Variants in PLXNA4 observed in about 807,000 individuals in gnomAD.
The protein encoded by PLXNA4 is plexin-A4.
In PLXNA4, 44 loss-of-function variants were observed where a neutral mutation model predicts 191.8. That is an observed-to-expected ratio of 0.23 (90% CI 0.18 to 0.29). The LOEUF (loss-of-function observed/expected upper bound fraction) is 0.29. Ranked by LOEUF, PLXNA4 falls within the 10% of genes least tolerant of loss-of-function variation. The probability of loss-of-function intolerance (pLI) is 1.00; values close to 1 mark genes in which losing one functional copy is unlikely to be tolerated. For synonymous variants in PLXNA4, 1,082 were observed against 1,009.5 expected (o/e 1.07, Z -1.36); for missense variants, 1,800 against 2,488.8 (o/e 0.72, Z 5.89).
intron 9 of PLXNA4, 90 bp downstream of exon 9, chr7:132,223,437 C>A: frequency 8.6e-7 from 1 of 1,156,196 alleles, no homozygotes. Context: ...CACAGTTTTC[C>A]TTTGGTTTCT....
rs181193471 is a variant in PLXNA4, at chr7:132,382,594, T to C, written c.1372-84372A>G. 2.6e-5 allele frequency among the ~76,000 whole-genome samples: 4 copies of C among 152,334 alleles called. No individual in the cohort carries two copies. The East Asian group carries it at 7.7e-4, about 29-fold the overall frequency. ...GATTTTTAAATTGTCATGTGTAGTA[T>C]TTTGCAAATGGCTGCTACATCATCA... On this transcript the variant is annotated intron_variant, in intron 3 of 31. Transcript: ENST00000321063.
chr7:132,586,765 A>T (rs1802513326), intron 2 of PLXNA4, among the ~76,000 whole-genome samples: 1 of 151,628 alleles, frequency 6.6e-6, no homozygotes, highest in Non-Finnish European at 1.5e-5. Flanking sequence ...ACAAACAAAT[A>T]AAAAAAATTA....
intron 3 of PLXNA4, among the ~76,000 whole-genome samples, chr7:132,470,287 C>T (rs1796885727): frequency 6.6e-6 from 1 of 152,186 alleles, no homozygotes; most frequent in African/African-American, 2.4e-5. Context: ...CTCACCCCAT[C>T]TGGCTTGGAT....
intron 9 of PLXNA4, among the ~76,000 whole-genome samples, chr7:132,215,862 T>A (rs1348934941): frequency 6.6e-6 from 1 of 152,202 alleles, no homozygotes; most frequent in Non-Finnish European, 1.5e-5. Flanking sequence ...CACTGCTGCA[T>A]CTGGCTGTTT....
intron 3 of PLXNA4, chr7:132,384,905 A>G: frequency 8.1e-7 from 1 of 1,239,180 alleles, no homozygotes; most frequent in South Asian, 1.6e-5. Flanking sequence ...TTTCACTGAC[A>G]TATACAAGTG....
chr7:132,308,435 T>C (rs1174464010), intron 3 of PLXNA4, among the ~76,000 whole-genome samples: 1 of 152,180 alleles, frequency 6.6e-6, no homozygotes, highest in Non-Finnish European at 1.5e-5. Flanking sequence ...TTCCCATGAA[T>C]AGGTGGTTAA....
chr7:132,616,642 T>G (rs11766036), intron 2 of PLXNA4, among the ~76,000 whole-genome samples: 16,562 of 152,274 alleles, frequency 0.11, 1,069 homozygotes, highest in Non-Finnish European at 0.15. Context: ...TTATAGTAGA[T>G]GTAACAGACA....
chr7:132,563,101 TCCTCCTCTC>T (rs1362340786), intron 1 of PLXNA4, among the ~76,000 whole-genome samples: 1 of 104,430 alleles, frequency 9.6e-6, no homozygotes, highest in Non-Finnish European at 2.0e-5. Context: ...TTCTTCCTCC[TCCTCCTCTC>T]CCTCCTCCTC....
At chr7:132,298,863 G>A (rs1278613037) in intron 3 of PLXNA4, among the ~76,000 whole-genome samples, 2 of 152,266 alleles carry the variant, frequency 1.3e-5, no homozygotes, top group Non-Finnish European at 2.9e-5. Context: ...TCAGGCATGA[G>A]TCATCCACAA....
chr7:132,305,064 C>A (rs1411323341), intron 3 of PLXNA4, among the ~76,000 whole-genome samples: 3 of 152,154 alleles, frequency 2.0e-5, no homozygotes, highest in Admixed American at 2.0e-4. Flanking sequence ...GGGAGGGGAC[C>A]AACCAGTCAG....
chr7:132,563,691 CCTCCTT>C (rs1801509249), intron 1 of PLXNA4, among the ~76,000 whole-genome samples: 4 of 120,744 alleles, frequency 3.3e-5, no homozygotes, highest in African/African-American at 1.0e-4. Context: ...TCCTCCTCCT[CCTCCTT>C]CTCCTCCTCC....
At position 132,482,288 on chromosome 7, in the gene PLXNA4, CCT is replaced by C. The variant is rs575851360; in HGVS notation, c.1371+7002_1371+7003del. ...AGACAATGGCTTGCACCTTGCTCAG[CCT>C]CTTTCTCGCCCCCATCTCTCAGACA... is the stretch of plus-strand genomic sequence containing the variant. On this transcript the variant is annotated intron_variant, in intron 3 of 31. Coordinates refer to ENST00000321063, the MANE Select transcript of PLXNA4 (RefSeq NM_020911.2). 3.2e-4 allele frequency among the ~76,000 whole-genome samples: 48 copies of C among 152,298 alleles called. 1 individual carries two copies. The South Asian group carries it at 1.0e-2, about 32-fold the overall frequency.
chr7:132,433,333 G>C (rs181250677), intron 3 of PLXNA4, among the ~76,000 whole-genome samples: 1 of 152,318 alleles, frequency 6.6e-6, no homozygotes, highest in Admixed American at 6.5e-5. Context: ...GGTCCCTGAA[G>C]TGGACAGGAA....
At chr7:132,319,950 C>A (rs889416242) in intron 3 of PLXNA4, among the ~76,000 whole-genome samples, 3 of 152,206 alleles carry the variant, frequency 2.0e-5, no homozygotes, top group African/African-American at 7.2e-5. Flanking sequence ...ATGTTCTCCA[C>A]CCCTGCCTTC....
At chr7:132,331,390 G>A (rs1238840775) in intron 3 of PLXNA4, among the ~76,000 whole-genome samples, 2 of 152,230 alleles carry the variant, frequency 1.3e-5, no homozygotes, top group Non-Finnish European at 2.9e-5. Context: ...TGCAGCCTGT[G>A]CTGCAACCTC....
At chr7:132,438,471 GC>G (rs1394186252) in intron 3 of PLXNA4, among the ~76,000 whole-genome samples, 1 of 152,132 alleles carries the variant, frequency 6.6e-6, no homozygotes, top group Admixed American at 6.5e-5. Flanking sequence ...TTGCAAGAAA[GC>G]CACAGTTCAT....
chr7:132,278,786 G>A (rs1800372110), intron 4 of PLXNA4, among the ~76,000 whole-genome samples: 1 of 152,182 alleles, frequency 6.6e-6, no homozygotes, highest in Admixed American at 6.5e-5. Context: ...CTGGTATTTG[G>A]AGAACCATTG....
At chr7:132,318,201 G>A (rs1292348056) in intron 3 of PLXNA4, among the ~76,000 whole-genome samples, 2 of 152,126 alleles carry the variant, frequency 1.3e-5, no homozygotes, top group Non-Finnish European at 2.9e-5. Flanking sequence ...GCAGGGGGAG[G>A]GAGTTGGAGC....
chr7:132,263,575 G>A (rs762266060), intron 4 of PLXNA4, among the ~76,000 whole-genome samples: 3 of 152,234 alleles, frequency 2.0e-5, no homozygotes, highest in Non-Finnish European at 4.4e-5. Flanking sequence ...TTAGAAGACA[G>A]AGCGGAGCTG....
Sources: gnomAD v4.1 joint callset for allele counts (sites outside exome capture counted in the v4.1 genomes callset) on GRCh38, gnomAD v4.1.1 for gene constraint, MANE v1.5 for transcripts, NCBI Gene and HGNC (gene_info 2026-07-23, HGNC 2026-07-21) for gene names.